The following SCN1A variants were observed in gnomAD, a reference collection of about 807,000 sequenced individuals.
SCN1A encodes the protein sodium channel protein type 1 subunit alpha.
Under a neutral mutation model 193.7 loss-of-function variants are expected in SCN1A, and 13 were observed. The ratio of observed to expected loss-of-function variants is 0.07; its 90% CI spans 0.04 to 0.11. The LOEUF (loss-of-function observed/expected upper bound fraction) is 0.11. SCN1A is among the 10% of genes least tolerant of loss of function. The pLI is 1.00. For missense variants in SCN1A, 1,432 were observed against 2,451.1 expected, an observed-to-expected ratio of 0.58 and a Z score of 8.78; for synonymous variants, 781 against 843.6, an observed-to-expected ratio of 0.93 and a Z score of 1.29.
rs757623401 is a variant in SCN1A at position 166,048,922 on chromosome 2, A to G, written c.992T>C (p.Leu331Ser). The G allele has an allele frequency of 1.9e-6, 3 of 1,605,648 alleles. No homozygotes were observed. Among genetic ancestry groups the G allele is most frequent in the Non-Finnish European group, 2.6e-6 (3 of 1,172,862 alleles). ...GCTATTTCCACATAGTAGTGCATCT[A>G]AAAAACCCTCCAGGAAATAATGATA... ...SRYHYFLEGF[L>S]DALLCGNSSD... The change falls in exon 10 of 29, where the codon TTA becomes TCA. Residue 331 changes from leucine to serine, a missense_variant. Physicochemically the swap from Leu to Ser is moderately radical, Grantham distance 145. This residue lies in a region of SCN1A where 52 missense variants were observed against 59.6 expected (regional missense o/e 0.87). Coordinates refer to ENST00000674923, the MANE Select transcript of SCN1A (RefSeq NM_001165963.4).
At chr2:166,038,210 C>A (rs2105809652) in intron 17 of SCN1A, 78 bp from the exon 18 acceptor site, 1 of 1,121,166 alleles carries the variant, frequency 8.9e-7, no homozygotes, top group South Asian at 1.6e-5. Context: ...TAGAAATGGT[C>A]ATTAGAATTC....
At chr2:166,023,806 G>A (rs950160739) in intron 19 of SCN1A, among the ~76,000 whole-genome samples, 3 of 151,074 alleles carry the variant, frequency 2.0e-5, no homozygotes, top group East Asian at 3.9e-4. Context: ...ACGGAGTTTC[G>A]CTCTTGTTGC....
intron 18 of SCN1A, 103 bp downstream of exon 18, chr2:166,037,673 T>C (rs1246267727): frequency 7.8e-6 from 8 of 1,023,202 alleles, no homozygotes; most frequent in Middle Eastern, 2.2e-4. Flanking sequence ...TTATTATACT[T>C]TAAGTTTTAG....
intron 4 of SCN1A, 77 bp downstream of exon 4, chr2:166,073,281 C>T (rs1364830522): frequency 1.3e-6 from 2 of 1,541,980 alleles, no homozygotes; most frequent in Non-Finnish European, 1.8e-6. Context: ...GCTAATTTGG[C>T]ATGTGTTGGT....
At chr2:166,019,997 G>T (rs1005351815) in intron 19 of SCN1A, among the ~76,000 whole-genome samples, 3 of 148,646 alleles carry the variant, frequency 2.0e-5, no homozygotes, top group African/African-American at 7.5e-5. Flanking sequence ...TGCAAGCTCC[G>T]CCTCCCAGGC....
chr2:166,056,643 C>T, intron 5 of SCN1A, 143 bp from the exon 6 acceptor site: 1 of 659,516 alleles, frequency 1.5e-6, no homozygotes, highest in Non-Finnish European at 2.8e-6. Flanking sequence ...AATCTCCTTA[C>T]ATTTCAATTT....
At chr2:166,084,000 G>A (rs1685813037) in intron 2 of SCN1A, among the ~76,000 whole-genome samples, 1 of 152,064 alleles carries the variant, frequency 6.6e-6, no homozygotes. Flanking sequence ...CAGATTTTGA[G>A]ATACCAAGTG....
intron 21 of SCN1A, among the ~76,000 whole-genome samples, 185 bp from the exon 22 acceptor site, chr2:166,012,467 T>C: frequency 6.6e-6 from 1 of 151,134 alleles, no homozygotes; most frequent in Middle Eastern, 3.4e-3. Flanking sequence ...GAAAGACTAT[T>C]GGTGGAAGAA....
chr2:166,111,577 G>A (rs1176333249), intron 2 of SCN1A, among the ~76,000 whole-genome samples: 1 of 152,050 alleles, frequency 6.6e-6, no homozygotes, highest in East Asian at 1.9e-4. Context: ...CATGGATTGA[G>A]GAATAATTTT....
upstream of SCN1A, among the ~76,000 whole-genome samples, chr2:166,130,672 G>A (rs1337601864): frequency 1.3e-5 from 2 of 152,104 alleles, no homozygotes; most frequent in Non-Finnish European, 2.9e-5. Context: ...TTGAGCATAA[G>A]GAGATAAATG....
Position 166,007,349 on chromosome 2 carries a change from A to G in SCN1A, c.4002+2370T>C, listed in dbSNP as rs1188572792. On this transcript the variant is annotated intron_variant, in intron 23 of 28. Transcript: ENST00000674923. The stretch of plus-strand genomic sequence containing the variant: ...TTAGTTAGAAATCTGATATGACAGA[A>G]CATTTGGTGTTACTTTTTGTTCATG... 2.0e-5 allele frequency: 3 copies of G among 151,302 alleles called. No individual in the cohort carries two copies. Among genetic ancestry groups the G allele is most frequent in the African/African-American group, 7.3e-5 (3 of 41,346 alleles). 9.4% of individuals were successfully genotyped at this position (151,302 alleles called of 1,614,324 possible). A position where few individuals can be genotyped will look rare whatever the true frequency, so the allele number is the denominator to read the frequency against.
At chr2:166,010,905 C>T (rs1692355401) in intron 22 of SCN1A, among the ~76,000 whole-genome samples, 1 of 150,514 alleles carries the variant, frequency 6.6e-6, no homozygotes, top group South Asian at 2.1e-4. Context: ...TCAAAAATGA[C>T]ACTAAAAAAC....
intron 2 of SCN1A, among the ~76,000 whole-genome samples, chr2:166,122,109 C>T (rs953694302): frequency 6.6e-6 from 1 of 152,194 alleles, no homozygotes; most frequent in African/African-American, 2.4e-5. Flanking sequence ...TTAAGCCACC[C>T]TGTCTGTGGT....
Position 166,045,225 on chromosome 2 carries a change from C to T in SCN1A, c.1480G>A (p.Ala494Thr). The T allele has an allele frequency of 6.2e-7, 1 of 1,614,146 alleles. No homozygotes were observed. Among genetic ancestry groups the T allele is most frequent in the Non-Finnish European group, 8.5e-7 (1 of 1,180,030 alleles). The change falls in exon 13 of 29, where the codon GCT becomes ACT. Residue 494 changes from alanine (A) to threonine (T), a missense_variant. Physicochemically the swap from Ala to Thr is moderately conservative, Grantham distance 58. Around this residue, in one of 18 missense-constraint regions of SCN1A, gnomAD observed 316 missense variants for 362.1 expected, o/e 0.87. Transcript: ENST00000674923. The stretch of plus-strand genomic sequence containing the variant: ...TTCCTCCGATTTCTTCTTTCCTTAG[C>T]ACTCTTGGAACTCAACTTAGAGGCT... Reference protein sequence around the residue: ...SEASKLSSKSAKERRNRRKKR... With the variant: ...SEASKLSSKSTKERRNRRKKR...
intron 19 of SCN1A, 132 bp from the exon 20 acceptor site, chr2:166,015,859 G>T (rs1292592707): frequency 4.2e-6 from 4 of 949,776 alleles, no homozygotes; most frequent in African/African-American, 3.3e-5. Context: ...GAAAAAGAGA[G>T]ATTGAATAAG....
chr2:166,143,409 G>A (rs925672188), intron 1 of SCN1A, among the ~76,000 whole-genome samples: 15 of 151,732 alleles, frequency 9.9e-5, no homozygotes, highest in Non-Finnish European at 2.1e-4. Flanking sequence ...CTCATGATCT[G>A]CCCACCTCAG....
chr2:166,039,368 A>C (rs1336476036), intron 17 of SCN1A, 55 bp downstream of exon 17: 1 of 1,571,698 alleles, frequency 6.4e-7, no homozygotes, highest in African/African-American at 1.4e-5. Flanking sequence ...GCTATGCAAG[A>C]ACCCTGATTG....
chr2:166,070,105 T>C (rs922388948), intron 4 of SCN1A, among the ~76,000 whole-genome samples: 4 of 152,166 alleles, frequency 2.6e-5, no homozygotes, highest in Non-Finnish European at 5.9e-5. Flanking sequence ...TATTTTTCAA[T>C]ACTGAAATAA....
At chr2:166,088,425 G>GA (rs11453672) in intron 2 of SCN1A, among the ~76,000 whole-genome samples, 3,401 of 152,062 alleles carry the variant, frequency 0.022, 288 homozygotes, top group Admixed American at 0.16. Flanking sequence ...AATTGCTAAA[G>GA]AAAAAAATGC....
Sources: gnomAD v4.1 joint callset for allele counts (sites outside exome capture counted in the v4.1 genomes callset) on GRCh38, gnomAD v4.1.1 for gene constraint, gnomAD v4.1.1 regional missense constraint, MANE v1.5 for transcripts, NCBI Gene and HGNC (gene_info 2026-07-23, HGNC 2026-07-21) for gene names.